Variants in GABRA2 observed in about 807,000 individuals in gnomAD.
GABRA2 encodes gamma-aminobutyric acid type A receptor subunit alpha2.
In GABRA2, 16 loss-of-function variants were observed where a neutral mutation model predicts 48.7. The observed-to-expected ratio is 0.33, with a 90% CI of 0.22 to 0.50. The LOEUF (loss-of-function observed/expected upper bound fraction) is 0.50. Among genes scored for constraint, GABRA2 ranks in the 20% least tolerant of loss-of-function variants. GABRA2 has a pLI of 0.98. For synonymous variants in GABRA2, 185 were observed against 184.5 expected (o/e 1.00, Z -0.02); for missense variants, 275 against 535.6 (o/e 0.51, Z 4.80).
At chr4:46,319,521 A>G (rs1268648115) in intron 4 of GABRA2, among the ~76,000 whole-genome samples, 2 of 151,798 alleles carry the variant, frequency 1.3e-5, no homozygotes, top group South Asian at 2.1e-4. Flanking sequence ...TTGGTACTCA[A>G]ACGGGGCTAG....
In GABRA2 at chr4:46,261,919, CACTT is replaced by C. The variant is rs767174566; in HGVS notation, c.1059+3_1059+6del. ...TTAATAATGATAACACGGAAGCTCT[CACTT>C]ACCTTGTCATTTACTACACTCTTCC... On this transcript the variant is annotated splice_donor_5th_base_variant and intron_variant, in intron 9 of 9. Coordinates refer to ENST00000381620, the MANE Select transcript of GABRA2 (RefSeq NM_000807.4). 2 of 1,609,766 alleles carry C rather than the reference CACTT, an allele frequency of 1.2e-6. No homozygotes were observed. Among genetic ancestry groups the C allele is most frequent in the Non-Finnish European group, 1.7e-6 (2 of 1,176,296 alleles).
At chr4:46,330,381 A>G (rs1166390991) in intron 4 of GABRA2, among the ~76,000 whole-genome samples, 1 of 152,088 alleles carries the variant, frequency 6.6e-6, no homozygotes, top group East Asian at 1.9e-4. Context: ...TACGTTAGCA[A>G]TCCCAAAGAG....
intron 3 of GABRA2, among the ~76,000 whole-genome samples, chr4:46,374,015 C>T (rs544718688): frequency 2.0e-5 from 3 of 152,092 alleles, no homozygotes; most frequent in Non-Finnish European, 2.9e-5. Flanking sequence ...ACCTAAGTGG[C>T]ATTTTAGCCC....
chr4:46,324,325 G>A (rs1247325860), intron 4 of GABRA2, among the ~76,000 whole-genome samples: 1 of 151,798 alleles, frequency 6.6e-6, no homozygotes. Context: ...CTCATCATGG[G>A]ATCTGAGACT....
At position 46,247,556 on chromosome 4, in the gene GABRA2, A is replaced by T. The variant is rs1713946132; in HGVS notation, c.*2752T>A. On this transcript the variant is annotated 3_prime_UTR_variant, in exon 10 of 10. Coordinates refer to ENST00000381620, the MANE Select transcript of GABRA2 (RefSeq NM_000807.4). ...AAATAATGAGATTATATCTCTATAT[A>T]TGTACATGTATTTATCTACATTTTG... Among the ~76,000 whole-genome samples the T allele has an allele frequency of 6.6e-6, 1 of 151,192 alleles. No homozygotes were observed. Among genetic ancestry groups the T allele is most frequent in the South Asian group, 2.1e-4 (1 of 4,832 alleles).
intron 2 of GABRA2, among the ~76,000 whole-genome samples, chr4:46,388,197 G>C (rs1717733671): frequency 6.6e-6 from 1 of 151,446 alleles, no homozygotes; most frequent in Non-Finnish European, 1.5e-5. Flanking sequence ...GTTTTCTATG[G>C]TGACTAAAGG....
chr4:46,339,277 A>G lies in GABRA2; in HGVS notation c.188-6595T>C, dbSNP rs542168311. On this transcript the variant is annotated intron_variant, in intron 3 of 9. Transcript: ENST00000381620. ...TTCCTTAGTACACTGGTCATATTTTATCCATATGTGGCTATGTTACTATAC... is the reference window on the plus strand; with the variant it reads ...TTCCTTAGTACACTGGTCATATTTTGTCCATATGTGGCTATGTTACTATAC... Among the ~76,000 whole-genome samples, 12 of 152,048 alleles carry G rather than the reference A, an allele frequency of 7.9e-5. 1 individual carries two copies. Among genetic ancestry groups the G allele is most frequent in the African/African-American group, 2.4e-4 (10 of 41,562 alleles).
rs993974978 is a variant in GABRA2 at position 46,245,491 on chromosome 4, T to G, written c.*4817A>C. Among the ~76,000 whole-genome samples, 1 of 151,266 alleles carries G rather than the reference T, an allele frequency of 6.6e-6. No individual in the cohort carries two copies. The highest frequency in any genetic ancestry group is 1.5e-5 in the Non-Finnish European group (1 of 67,466). Reference sequence around the variant, plus strand: ...TTTACACCAACATAGAAAAGATATTTTTAACCATATGCATAACTCAAACCT... The same window carrying G: ...TTTACACCAACATAGAAAAGATATTGTTAACCATATGCATAACTCAAACCT... On this transcript the variant is annotated 3_prime_UTR_variant, in exon 10 of 10. Transcript: ENST00000381620.
chr4:46,377,156 C>A (rs1000991369), intron 3 of GABRA2, among the ~76,000 whole-genome samples: 2 of 151,768 alleles, frequency 1.3e-5, no homozygotes, highest in South Asian at 2.1e-4. Context: ...CCGGCCGCCA[C>A]CCCGTCTGGG....
At chr4:46,253,419 T>C (rs1363260970) in intron 9 of GABRA2, among the ~76,000 whole-genome samples, 1 of 151,478 alleles carries the variant, frequency 6.6e-6, no homozygotes, top group Non-Finnish European at 1.5e-5. Context: ...ACCCTGCATA[T>C]TTGTATGTTG....
chr4:46,256,373 G>T, intron 9 of GABRA2: 2 of 628,496 alleles, frequency 3.2e-6, no homozygotes, highest in South Asian at 1.9e-5. Flanking sequence ...TATTGAAGGG[G>T]ACTACAAGAA....
At chr4:46,296,302 C>T (rs1428369243) in intron 8 of GABRA2, among the ~76,000 whole-genome samples, 18 of 152,092 alleles carry the variant, frequency 1.2e-4, no homozygotes, top group Admixed American at 1.2e-3. Context: ...TTCTGCTGGC[C>T]TAGAGATCTT....
chr4:46,333,844 G>A (rs1731769689), intron 3 of GABRA2, among the ~76,000 whole-genome samples: 1 of 151,964 alleles, frequency 6.6e-6, no homozygotes. Context: ...ATAAAACAAT[G>A]ATTTATAACC....
At chr4:46,291,220 T>A (rs1723564136) in intron 8 of GABRA2, among the ~76,000 whole-genome samples, 1 of 151,800 alleles carries the variant, frequency 6.6e-6, no homozygotes, top group Non-Finnish European at 1.5e-5. Context: ...TCTAGACTTG[T>A]TGTTGTTGGA....
intron 8 of GABRA2, among the ~76,000 whole-genome samples, chr4:46,294,696 T>A (rs573310746): frequency 2.8e-4 from 42 of 152,236 alleles, no homozygotes; most frequent in African/African-American, 1.0e-3. Flanking sequence ...CCAATGGACA[T>A]CTCTAAGATT....
intron 3 of GABRA2, among the ~76,000 whole-genome samples, chr4:46,355,338 C>G (rs1322414309): frequency 3.9e-5 from 6 of 152,066 alleles, no homozygotes; most frequent in African/African-American, 1.4e-4. Flanking sequence ...AATTAAACAT[C>G]CATCATGCTT....
intron 9 of GABRA2, chr4:46,261,183 C>A (rs1309758978): frequency 6.6e-6 from 1 of 152,004 alleles, no homozygotes; most frequent in Non-Finnish European, 1.5e-5. Context: ...ACAAATCTCC[C>A]ATTAGATTCA....
chr4:46,308,098 ATATTTGGTTAC>A (rs1203020372), intron 6 of GABRA2, among the ~76,000 whole-genome samples: 2 of 152,152 alleles, frequency 1.3e-5, no homozygotes, highest in Non-Finnish European at 2.9e-5. Context: ...CTGATTCTTA[ATATTTGGTTAC>A]CAGGAAAAAT....
chr4:46,294,760 G>C (rs1420326125), intron 8 of GABRA2, among the ~76,000 whole-genome samples: 1 of 151,964 alleles, frequency 6.6e-6, no homozygotes, highest in Non-Finnish European at 1.5e-5. Context: ...TTTTTTGAGA[G>C]ACAGCTCTTG....
Sources: gnomAD v4.1 joint callset for allele counts (sites outside exome capture counted in the v4.1 genomes callset) on GRCh38, gnomAD v4.1.1 for gene constraint, MANE v1.5 for transcripts, NCBI Gene and HGNC (gene_info 2026-07-23, HGNC 2026-07-21) for gene names.